CEP128: variants seen among roughly 807,000 people sequenced by gnomAD.
CEP128 encodes centrosomal protein 128, also known as centrosomal protein 128kDa.
CEP128 carries 132 observed loss-of-function variants against 156.7 expected under a neutral mutation model. The ratio of observed to expected loss-of-function variants is 0.84; its 90% CI spans 0.73 to 0.97. The LOEUF is 0.97. Ranked by LOEUF, CEP128 falls within the 50% of genes least tolerant of loss-of-function variation. CEP128 has a pLI of 0.00. For synonymous variants in CEP128, 469 were observed against 448.9 expected (o/e 1.04, Z -0.57); for missense variants, 1,252 against 1,281.9 (o/e 0.98, Z 0.36).
Position 80,576,756 on chromosome 14 carries a change from G to T in CEP128, c.2856+3618C>A, listed in dbSNP as rs147930672. 1.2e-3 allele frequency among the ~76,000 whole-genome samples: 179 copies of T among 152,186 alleles called. 4 individuals carry two copies. In the Middle Eastern group the frequency reaches 0.024, roughly 20 times the overall value. On this transcript the variant is annotated intron_variant, in intron 20 of 24. Transcript: ENST00000555265. ...ACTCTAGGACAGGACAGGGATTGGT[G>T]TTGTTTTTTAATGGGTGGATCTTGA... is the stretch of plus-strand genomic sequence containing the variant.
chr14:80,856,664 CGTGT>C (rs908211651), intron 9 of CEP128, among the ~76,000 whole-genome samples: 34 of 142,256 alleles, frequency 2.4e-4, no homozygotes, highest in Admixed American at 1.6e-3. Context: ...AGTGTGCCTG[CGTGT>C]GTGTGTGTGC....
At chr14:80,890,786 A>C (rs1030726792) in intron 8 of CEP128, among the ~76,000 whole-genome samples, 1 of 152,156 alleles carries the variant, frequency 6.6e-6, no homozygotes, top group Non-Finnish European at 1.5e-5. Context: ...CAGATCTTAA[A>C]GTTTAATTAA....
At chr14:80,660,380 C>T (rs187191441) in intron 19 of CEP128, among the ~76,000 whole-genome samples, 1 of 152,098 alleles carries the variant, frequency 6.6e-6, no homozygotes, top group East Asian at 1.9e-4. Flanking sequence ...GATATAAATG[C>T]CATAGGTGAT....
rs1405491838 is a variant in CEP128, at chr14:80,729,070, T to G, written c.2806+14005A>C. ...CTGGGCTGGTGGGGGTGTGTGTGTG[T>G]GTGTGTGTGTGTGTGTGTGTGTGTG... On this transcript the variant is annotated intron_variant, in intron 19 of 24. Transcript: ENST00000555265. 9.5e-4 allele frequency among the ~76,000 whole-genome samples: 45 copies of G among 47,458 alleles called. 1 individual carries two copies. The highest frequency in any genetic ancestry group is 1.9e-3 in the African/African-American group (28 of 14,916). The allele number at this position is 47,458 out of a possible 152,430, so 31.1% of individuals were successfully genotyped here.
At chr14:80,581,109 T>G (rs1020187101) in intron 19 of CEP128, among the ~76,000 whole-genome samples, 4 of 152,174 alleles carry the variant, frequency 2.6e-5, no homozygotes, top group African/African-American at 9.7e-5. Context: ...GGTGTCTCAG[T>G]GCCCTACATT....
chr14:80,577,658 A>T (rs1466323060), intron 20 of CEP128, among the ~76,000 whole-genome samples: 1 of 152,098 alleles, frequency 6.6e-6, no homozygotes, highest in Non-Finnish European at 1.5e-5. Flanking sequence ...CCTGATTTCA[A>T]TCTTGCCTGC....
intron 19 of CEP128, among the ~76,000 whole-genome samples, chr14:80,693,076 G>C (rs1481707679): frequency 6.6e-6 from 1 of 152,124 alleles, no homozygotes; most frequent in African/African-American, 2.4e-5. Context: ...CTGGCCCATG[G>C]ACCACACTTT....
chr14:80,570,587 C>T (rs1404908499), intron 20 of CEP128, among the ~76,000 whole-genome samples: 4 of 152,106 alleles, frequency 2.6e-5, no homozygotes, highest in East Asian at 3.9e-4. Flanking sequence ...CTCCATTTGA[C>T]TCAAAACAGT....
intron 14 of CEP128, among the ~76,000 whole-genome samples, chr14:80,792,550 G>T (rs1010639766): frequency 1.3e-5 from 2 of 152,054 alleles, no homozygotes; most frequent in Non-Finnish European, 2.9e-5. Flanking sequence ...ACTCTGAAAA[G>T]CCACATAATA....
intron 20 of CEP128, among the ~76,000 whole-genome samples, chr14:80,569,642 T>C (rs1466045748): frequency 1.3e-5 from 2 of 152,150 alleles, no homozygotes; most frequent in Non-Finnish European, 2.9e-5. Flanking sequence ...TTCAAAAAAA[T>C]ATTCTTATTA....
At chr14:80,534,062 G>A (rs1889359519) in intron 21 of CEP128, among the ~76,000 whole-genome samples, 1 of 152,284 alleles carries the variant, frequency 6.6e-6, no homozygotes, top group Admixed American at 6.5e-5. Context: ...AAGACAATGA[G>A]TCCAATCTTA....
intron 19 of CEP128, among the ~76,000 whole-genome samples, chr14:80,660,347 G>C (rs1450113920): frequency 1.3e-5 from 2 of 151,842 alleles, no homozygotes; most frequent in Non-Finnish European, 2.9e-5. Flanking sequence ...AATATTTTTT[G>C]CTTATTGTAT....
At chr14:80,923,676 T>C (rs1039125327) in intron 2 of CEP128, among the ~76,000 whole-genome samples, 3 of 152,182 alleles carry the variant, frequency 2.0e-5, no homozygotes, top group Admixed American at 6.5e-5. Context: ...GGTAATTGTG[T>C]TGATACTTAG....
intron 21 of CEP128, among the ~76,000 whole-genome samples, chr14:80,546,703 A>T (rs1179708247): frequency 6.6e-6 from 1 of 152,216 alleles, no homozygotes; most frequent in Non-Finnish European, 1.5e-5. Flanking sequence ...CTGCTGTGAT[A>T]GAAAGCATAG....
chr14:80,541,045 AG>A (rs1387202704), intron 21 of CEP128, among the ~76,000 whole-genome samples: 1 of 152,200 alleles, frequency 6.6e-6, no homozygotes, highest in Non-Finnish European at 1.5e-5. Context: ...AGCAAGACAT[AG>A]TAAAAAAGAT....
intron 2 of CEP128, among the ~76,000 whole-genome samples, chr14:80,926,437 C>G (rs1885149972): frequency 6.6e-6 from 1 of 152,162 alleles, no homozygotes; most frequent in Non-Finnish European, 1.5e-5. Context: ...TGTGCTCCTC[C>G]CTGGAACATT....
At position 80,899,943 on chromosome 14, in the gene CEP128, C is replaced by G. The variant is rs572484926; in HGVS notation, c.567G>C (p.Arg189Ser). 1.9e-6 allele frequency: 3 copies of G among 1,611,032 alleles called. No individual in the cohort carries two copies. Among genetic ancestry groups the G allele is most frequent in the Non-Finnish European group, 2.5e-6 (3 of 1,177,448 alleles). The change falls in exon 7 of 25, where the codon AGG (arginine) becomes AGC (serine). Residue 189 changes from arginine (R) to serine (S), a missense_variant. Arg to Ser is a moderately radical substitution (Grantham distance 110). Transcript: ENST00000555265. Reference protein sequence around the residue: ...GDDFNRELSRRSRSDAETKRA... With the variant: ...GDDFNRELSRSSRSDAETKRA... Reference sequence around the variant, plus strand: ...AAACCATAGGCTGCTTTTACCGGCTCCTTCTGGAAAGCTCCCTGTTGAAAT... The same window carrying G: ...AAACCATAGGCTGCTTTTACCGGCTGCTTCTGGAAAGCTCCCTGTTGAAAT...
intron 19 of CEP128, among the ~76,000 whole-genome samples, chr14:80,622,851 A>T (rs888083265): frequency 1.3e-5 from 2 of 149,278 alleles, no homozygotes; most frequent in African/African-American, 2.5e-5. Flanking sequence ...ACACTTTTAC[A>T]CTGTTGGTGG....
chr14:80,729,851 G>C (rs1898198069), intron 19 of CEP128, among the ~76,000 whole-genome samples: 1 of 152,062 alleles, frequency 6.6e-6, no homozygotes, highest in Admixed American at 6.6e-5. Flanking sequence ...AACACATTTG[G>C]TGAAATATTT....
Sources: gnomAD v4.1 joint callset for allele counts (sites outside exome capture counted in the v4.1 genomes callset) on GRCh38, gnomAD v4.1.1 for gene constraint, MANE v1.5 for transcripts, NCBI Gene and HGNC (gene_info 2026-07-23, HGNC 2026-07-21) for gene names.